CYP7B1: variants seen among roughly 807,000 people sequenced by gnomAD.
CYP7B1 encodes cytochrome P450 family 7 subfamily B member 1, also known as cytochrome P450 7B1.
A neutral mutation model predicts 42.7 loss-of-function variants in CYP7B1; 29 were observed. That is an observed-to-expected ratio of 0.68 (90% confidence interval 0.51 to 0.93). CYP7B1 has a LOEUF of 0.93. CYP7B1 is among the 40% of genes least tolerant of loss of function. The pLI is 0.00. For synonymous variants in CYP7B1, 235 were observed against 218.2 expected (o/e 1.08, Z -0.68); for missense variants, 655 against 600.5 (o/e 1.09, Z -0.95).
Position 64,616,311 on chromosome 8 carries a change from G to A in CYP7B1, c.260-30C>T, listed in dbSNP as rs748746105. On this transcript the variant is annotated intron_variant, in intron 2 of 5. Transcript: ENST00000310193. ...AAAAAAAAAAAGAGAGAGAAAATAT[G>A]AGTTCGTTTGTTAATAAAACAGAAA... is the stretch of plus-strand genomic sequence containing the variant. 5.2e-6 allele frequency: 7 copies of A among 1,338,560 alleles called. No homozygotes were observed. The Admixed American group carries it at 9.9e-5, about 19-fold the overall frequency. 82.9% of individuals were successfully genotyped at this position (1,338,560 alleles called of 1,614,324 possible).
intron 1 of CYP7B1, among the ~76,000 whole-genome samples, chr8:64,745,600 T>G (rs902971580): frequency 1.3e-5 from 2 of 152,118 alleles, no homozygotes; most frequent in African/African-American, 4.8e-5. Flanking sequence ...TTCCCCCCAG[T>G]CCCCTTAAAC....
chr8:64,612,636 C>A (rs1805378925), intron 4 of CYP7B1, among the ~76,000 whole-genome samples: 1 of 152,112 alleles, frequency 6.6e-6, no homozygotes, highest in African/African-American at 2.4e-5. Flanking sequence ...TGCAAAATTT[C>A]TGTAAAAAGA....
chr8:64,736,853 T>C (rs1307672591), intron 1 of CYP7B1, among the ~76,000 whole-genome samples: 2 of 152,198 alleles, frequency 1.3e-5, no homozygotes, highest in African/African-American at 4.8e-5. Flanking sequence ...AATCTAATTC[T>C]GTCTACTGTC....
chr8:64,772,088 G>A (rs1478420402), intron 1 of CYP7B1, among the ~76,000 whole-genome samples: 1 of 152,174 alleles, frequency 6.6e-6, no homozygotes. Flanking sequence ...GCAATCTGAA[G>A]AGAATTTTTA....
chr8:64,737,844 A>G (rs1277743047), intron 1 of CYP7B1, among the ~76,000 whole-genome samples: 2 of 152,210 alleles, frequency 1.3e-5, no homozygotes, highest in Non-Finnish European at 2.9e-5. Context: ...TGCATAGCCA[A>G]CAGGTTATTC....
At chr8:64,643,264 A>G (rs1480715560) in intron 1 of CYP7B1, among the ~76,000 whole-genome samples, 1 of 151,386 alleles carries the variant, frequency 6.6e-6, no homozygotes, top group Non-Finnish European at 1.5e-5. Flanking sequence ...GACCACCATC[A>G]TAATGTGAAT....
chr8:64,757,419 C>T (rs551671067), intron 1 of CYP7B1, among the ~76,000 whole-genome samples: 4 of 152,162 alleles, frequency 2.6e-5, no homozygotes, highest in Non-Finnish European at 5.9e-5. Context: ...ATTATATGCC[C>T]AAATTTCTCA....
chr8:64,788,476 C>T (rs1804564800), intron 1 of CYP7B1, among the ~76,000 whole-genome samples: 1 of 152,100 alleles, frequency 6.6e-6, no homozygotes, highest in South Asian at 2.1e-4. Context: ...CAGAGCTGTG[C>T]ACCTGAGGTT....
chr8:64,657,056 A>G (rs889812425), intron 1 of CYP7B1, among the ~76,000 whole-genome samples: 1 of 152,110 alleles, frequency 6.6e-6, no homozygotes, highest in Non-Finnish European at 1.5e-5. Context: ...ATTGGCTTTT[A>G]TTAAAAAAAA....
intron 1 of CYP7B1, among the ~76,000 whole-genome samples, chr8:64,717,067 G>A (rs1197507053): frequency 6.6e-6 from 1 of 152,182 alleles, no homozygotes; most frequent in Non-Finnish European, 1.5e-5. Context: ...AAAATAAAAT[G>A]TCTCTTTAGT....
intron 1 of CYP7B1, among the ~76,000 whole-genome samples, chr8:64,643,088 T>TGTATATATATACACACATATATAC (rs1491183776): frequency 1.4e-4 from 15 of 109,692 alleles, no homozygotes; most frequent in Non-Finnish European, 2.4e-4. Context: ...TGTGTGTGTG[T>TGTATATATATACACACATATATAC]ATATATATAC....
At chr8:64,626,818 C>T (rs376835339) in intron 1 of CYP7B1, among the ~76,000 whole-genome samples, 5 of 152,162 alleles carry the variant, frequency 3.3e-5, no homozygotes, top group East Asian at 1.9e-4. Context: ...TCTGTGAAGA[C>T]GACTTGTGCT....
Position 64,596,357 on chromosome 8 carries a change from A to G in CYP7B1, c.*285T>C. ...CTATTGGTGTGAAGGTACATTTATT[A>G]TAACAGGTGAAAATCACAACAAGGA... On this transcript the variant is annotated 3_prime_UTR_variant, in exon 6 of 6. Transcript: ENST00000310193. The G allele has an allele frequency of 3.3e-6, 1 of 307,018 alleles. No homozygotes were observed. Among genetic ancestry groups the G allele is most frequent in the Non-Finnish European group, 6.2e-6 (1 of 160,176 alleles). 19.0% of individuals were successfully genotyped at this position (307,018 alleles called of 1,614,324 possible). A position where few individuals can be genotyped will look rare whatever the true frequency, so the allele number is the denominator to read the frequency against.
intron 1 of CYP7B1, among the ~76,000 whole-genome samples, chr8:64,649,652 T>C (rs1046793394): frequency 6.6e-6 from 1 of 152,204 alleles, no homozygotes; most frequent in Admixed American, 6.5e-5. Context: ...TCTACCATGG[T>C]TGGACCATTT....
intron 1 of CYP7B1, among the ~76,000 whole-genome samples, chr8:64,706,953 C>G (rs74591278): frequency 1.3e-5 from 2 of 151,962 alleles, no homozygotes; most frequent in East Asian, 3.9e-4. Flanking sequence ...GCAGTCGTAA[C>G]AATTGAGCAA....
chr8:64,733,923 T>C (rs1009649765), intron 1 of CYP7B1, among the ~76,000 whole-genome samples: 2 of 152,000 alleles, frequency 1.3e-5, no homozygotes, highest in African/African-American at 2.4e-5. Flanking sequence ...TGAGCTATGA[T>C]TGTGCCCCTG....
intron 1 of CYP7B1, among the ~76,000 whole-genome samples, chr8:64,778,787 T>C (rs920267187): frequency 1.3e-5 from 2 of 152,072 alleles, no homozygotes; most frequent in Non-Finnish European, 1.5e-5. Flanking sequence ...CAAGGCAACT[T>C]CCTGCATCTT....
At chr8:64,741,284 G>C (rs551619506) in intron 1 of CYP7B1, among the ~76,000 whole-genome samples, 7 of 151,944 alleles carry the variant, frequency 4.6e-5, no homozygotes, top group African/African-American at 1.7e-4. Flanking sequence ...TTTTCTTTGC[G>C]CATAACATGA....
At chr8:64,660,832 T>G (rs1362762227) in intron 1 of CYP7B1, among the ~76,000 whole-genome samples, 1 of 152,182 alleles carries the variant, frequency 6.6e-6, no homozygotes, top group Admixed American at 6.5e-5. Context: ...GGCATCATAG[T>G]AGGCTAACCA....
Sources: allele counts gnomAD v4.1 joint callset (sites outside exome capture counted in the v4.1 genomes callset), GRCh38; gene constraint gnomAD v4.1.1; transcripts MANE v1.5; gene names NCBI Gene and HGNC (gene_info 2026-07-23, HGNC 2026-07-21).